Variants in GOLGA4 observed in about 807,000 individuals in gnomAD.
GOLGA4 encodes golgin A4, also known as golgin subfamily A member 4.
A neutral mutation model predicts 265.9 loss-of-function variants in GOLGA4; 169 were observed. The ratio of observed to expected loss-of-function variants is 0.64; its 90% CI spans 0.56 to 0.72. The LOEUF (loss-of-function observed/expected upper bound fraction) is 0.72. Among genes scored for constraint, GOLGA4 ranks in the 30% least tolerant of loss-of-function variants. The pLI is 0.00. For synonymous variants in GOLGA4, 923 were observed against 855.8 expected (o/e 1.08, Z -1.37); for missense variants, 2,482 against 2,483.4 (o/e 1.00, Z 0.01).
intron 2 of GOLGA4, among the ~76,000 whole-genome samples, chr3:37,280,044 A>G (rs189895465): frequency 3.3e-5 from 5 of 152,314 alleles, no homozygotes; most frequent in South Asian, 4.1e-4. Flanking sequence ...TAACCGTTCA[A>G]TCAAAACACA....
chr3:37,339,419 A>C (rs879550233), intron 19 of GOLGA4, among the ~76,000 whole-genome samples: 2 of 152,154 alleles, frequency 1.3e-5, no homozygotes, highest in Non-Finnish European at 2.9e-5. Flanking sequence ...TATACACAGG[A>C]GTGGAATTAC....
In GOLGA4 at chr3:37,327,047, C is replaced by G. The variant is rs371716572; in HGVS notation, c.5161C>G (p.Gln1721Glu). The G allele has an allele frequency of 1.3e-5, 21 of 1,613,706 alleles. No individual in the cohort carries two copies. Among genetic ancestry groups the G allele is most frequent in the Non-Finnish European group, 1.8e-5 (21 of 1,179,794 alleles). ...AAAAAATGTGGCAGCATATACTGAA[C>G]AAGAAGAAGCAGATTCCCAAGGCTG... ...SAKNVAAYTE[Q>E]EEADSQGCVQ... Residue 1721 changes from glutamine to glutamate, a missense_variant, in exon 14 of 24, where the codon CAA (glutamine) becomes GAA (glutamate). Physicochemically the swap from Gln to Glu is conservative, Grantham distance 29 (BLOSUM62 2). Around this residue, in one of 3 missense-constraint regions of GOLGA4, gnomAD observed 942 missense variants for 983.1 expected, o/e 0.96. Coordinates refer to ENST00000361924, the MANE Select transcript of GOLGA4 (RefSeq NM_002078.5).
chr3:37,357,770 T>C lies in GOLGA4; in HGVS notation c.6663+2583T>C, dbSNP rs1485163731. On this transcript the variant is annotated intron_variant, in intron 22 of 23. Coordinates refer to ENST00000361924, the MANE Select transcript of GOLGA4 (RefSeq NM_002078.5). Reference sequence around the variant, plus strand: ...CAGCTAATTTCATATCCCTGTCCATTGAGCTGTAGCTCGCTAGAACAAAAC... The same window carrying C: ...CAGCTAATTTCATATCCCTGTCCATCGAGCTGTAGCTCGCTAGAACAAAAC... Among the ~76,000 whole-genome samples the C allele has an allele frequency of 1.1e-4, 17 of 152,354 alleles. No individual in the cohort carries two copies. In the East Asian group the frequency reaches 3.3e-3, roughly 29 times the overall value.
At chr3:37,331,440 A>T (rs958751848) in intron 16 of GOLGA4, among the ~76,000 whole-genome samples, 6 of 152,324 alleles carry the variant, frequency 3.9e-5, no homozygotes, top group African/African-American at 9.6e-5. Flanking sequence ...GAAATTTTTT[A>T]AAAAATGCAA....
chr3:37,275,762 G>A (rs1219314096), intron 2 of GOLGA4: 29 of 1,613,232 alleles, frequency 1.8e-5, no homozygotes, highest in Non-Finnish European at 1.9e-5. Context: ...CGCGGCTGGA[G>A]CATTGGATTT....
chr3:37,279,809 A>C (rs2096829800), intron 2 of GOLGA4, among the ~76,000 whole-genome samples: 1 of 151,984 alleles, frequency 6.6e-6, no homozygotes, highest in South Asian at 2.1e-4. Flanking sequence ...TGGAAGGCTG[A>C]GGCACGGGAA....
chr3:37,290,410 C>T (rs1361616247), intron 5 of GOLGA4, among the ~76,000 whole-genome samples: 2 of 152,050 alleles, frequency 1.3e-5, no homozygotes, highest in Non-Finnish European at 2.9e-5. Context: ...TCTAGTCTCT[C>T]GCAATTTTTT....
intron 11 of GOLGA4, among the ~76,000 whole-genome samples, chr3:37,316,321 A>G (rs891361465): frequency 2.6e-4 from 40 of 151,820 alleles, no homozygotes; most frequent in African/African-American, 9.0e-4. Flanking sequence ...TATGGCCACT[A>G]AAATGGCTTA....
chr3:37,365,560 G>A (rs1039343127), intron 23 of GOLGA4, among the ~76,000 whole-genome samples: 1 of 151,524 alleles, frequency 6.6e-6, no homozygotes, highest in African/African-American at 2.4e-5. Flanking sequence ...GAGCCACTGG[G>A]TCCAGCCTGT....
intron 16 of GOLGA4, chr3:37,329,346 A>G (rs1404283547): frequency 1.2e-5 from 3 of 251,630 alleles, no homozygotes; most frequent in Non-Finnish European, 2.2e-5. Flanking sequence ...AAGCAACAGT[A>G]GATACTAAAA....
intron 20 of GOLGA4, among the ~76,000 whole-genome samples, chr3:37,341,234 A>G (rs1458231126): frequency 6.6e-6 from 1 of 152,160 alleles, no homozygotes; most frequent in Non-Finnish European, 1.5e-5. Context: ...TTGAGTCTTT[A>G]TGTGGTAATT....
chr3:37,296,390 A>G (rs1310233383), intron 7 of GOLGA4, among the ~76,000 whole-genome samples, 171 bp downstream of exon 7: 1 of 152,126 alleles, frequency 6.6e-6, no homozygotes, highest in Non-Finnish European at 1.5e-5. Context: ...CACAAGAAAA[A>G]CAAAAACAAA....
intron 1 of GOLGA4, among the ~76,000 whole-genome samples, chr3:37,247,777 G>A (rs964415027): frequency 6.6e-6 from 1 of 152,162 alleles, no homozygotes; most frequent in African/African-American, 2.4e-5. Flanking sequence ...GTAGAATTCA[G>A]TCCTTTCTGG....
intron 20 of GOLGA4, 92 bp from the exon 21 acceptor site, chr3:37,347,101 T>C: frequency 1.4e-6 from 1 of 714,960 alleles, no homozygotes; most frequent in South Asian, 1.8e-5. Context: ...CTCTCTTTGT[T>C]CCATTGGTTG....
At position 37,319,155 on chromosome 3, in the gene GOLGA4, C is replaced by A. The variant is rs757439973; in HGVS notation, c.1506C>A (p.Thr502=). The A allele has an allele frequency of 6.2e-7, 1 of 1,609,834 alleles. No individual in the cohort carries two copies. Among genetic ancestry groups the A allele is most frequent in the Admixed American group, 1.7e-5 (1 of 59,726 alleles). ...KEQELTKKLQ[T]REREFQEQMK... is the part of the protein sequence containing the mutation. ...AGGAACTGACCAAGAAGCTTCAGACCCGAGAAAGGGAATTTCAGGAACAAA... is the reference window on the plus strand; with the variant it reads ...AGGAACTGACCAAGAAGCTTCAGACACGAGAAAGGGAATTTCAGGAACAAA... Residue 502 remains threonine, a synonymous_variant, in exon 12 of 24, where the codon ACC becomes ACA. Transcript: ENST00000361924.
rs2150943237 is a variant in GOLGA4 at position 37,319,176 on chromosome 3, A to G, written c.1527A>G (p.Glu509=). The G allele has an allele frequency of 1.9e-6, 3 of 1,609,770 alleles. No homozygotes were observed. The highest frequency in any genetic ancestry group is 2.5e-6 in the Non-Finnish European group (3 of 1,178,074). The change falls in exon 12 of 24, where the codon GAA becomes GAG. Residue 509 remains glutamate (E), a synonymous_variant. Transcript: ENST00000361924. ...KLQTREREFQ[E]QMKVALEKSQ... Reference sequence around the variant, plus strand: ...AGACCCGAGAAAGGGAATTTCAGGAACAAATGAAAGTAGCTCTTGTAAGTG... The same window carrying G: ...AGACCCGAGAAAGGGAATTTCAGGAGCAAATGAAAGTAGCTCTTGTAAGTG...
chr3:37,324,208 G>A lies in GOLGA4; in HGVS notation c.2322G>A (p.Glu774=). The part of the protein sequence containing the change: ...LLKERDKHLK[E]HQAHVENLEA... ...AGGAAAGGGACAAGCATTTGAAAGA[G>A]CATCAGGCTCATGTAGAAAATTTAG... The change falls in exon 14 of 24, where the codon GAG becomes GAA. Residue 774 remains glutamate, a synonymous_variant. Transcript: ENST00000361924. 1.2e-6 allele frequency: 2 copies of A among 1,614,118 alleles called. No homozygotes were observed. The highest frequency in any genetic ancestry group is 3.3e-5 in the Admixed American group (2 of 60,012).
intron 20 of GOLGA4, among the ~76,000 whole-genome samples, chr3:37,344,492 C>CT (rs56761489): frequency 0.17 from 19,601 of 118,184 alleles, 2,187 homozygotes; most frequent in Non-Finnish European, 0.2. Context: ...ACCTCACTGT[C>CT]TTTTTTTTTT....
At chr3:37,312,679 G>A (rs2096926295) in intron 10 of GOLGA4, among the ~76,000 whole-genome samples, 1 of 151,760 alleles carries the variant, frequency 6.6e-6, no homozygotes, top group Non-Finnish European at 1.5e-5. Flanking sequence ...ACAAGCCACG[G>A]CTCCTGGCTA....
Sources: allele counts gnomAD v4.1 joint callset (sites outside exome capture counted in the v4.1 genomes callset), GRCh38; gene constraint gnomAD v4.1.1; regional missense constraint gnomAD v4.1.1; transcripts MANE v1.5; gene names NCBI Gene and HGNC (gene_info 2026-07-23, HGNC 2026-07-21).